ANKRD36B: variants seen among roughly 807,000 people sequenced by gnomAD.
The protein encoded by ANKRD36B is ankyrin repeat domain 36B.
ANKRD36B carries 37 observed loss-of-function variants against 135.7 expected under a neutral mutation model. The ratio of observed to expected loss-of-function variants is 0.27; its 90% CI spans 0.21 to 0.36. The LOEUF (loss-of-function observed/expected upper bound fraction) is 0.36. Among genes scored for constraint, ANKRD36B ranks in the 10% least tolerant of loss-of-function variants. The pLI is 1.00. For missense variants in ANKRD36B, 549 were observed against 1,037.1 expected, an observed-to-expected ratio of 0.53 and a Z score of 6.46; for synonymous variants, 179 against 348.1, an observed-to-expected ratio of 0.51 and a Z score of 5.41.
chr2:97,558,439 T>A (rs967975060), intron 10 of ANKRD36B, among the ~76,000 whole-genome samples: 5 of 151,930 alleles, frequency 3.3e-5, no homozygotes, highest in Admixed American at 2.6e-4. Flanking sequence ...AATTTCTCCA[T>A]CTGTTTTTAG....
At chr2:97,568,353 C>T (rs1230743586) in intron 6 of ANKRD36B, among the ~76,000 whole-genome samples, 3 of 152,060 alleles carry the variant, frequency 2.0e-5, no homozygotes, top group Non-Finnish European at 4.4e-5. Context: ...TCTATGAAAA[C>T]TGTACTCTAT....
At chr2:97,572,486 TCTTAA>T (rs1412728294) in intron 6 of ANKRD36B, among the ~76,000 whole-genome samples, 1 of 115,924 alleles carries the variant, frequency 8.6e-6, no homozygotes, top group African/African-American at 2.8e-5. Context: ...ACCTTAAGTG[TCTTAA>T]CTTAATTTGA....
intron 35 of ANKRD36B, among the ~76,000 whole-genome samples, chr2:97,531,904 A>C (rs1390620928): frequency 1.0e-5 from 1 of 96,728 alleles, no homozygotes; most frequent in South Asian, 2.3e-4. Flanking sequence ...AGTGACTGGC[A>C]ATAAAAAAAC....
intron 8 of ANKRD36B, among the ~76,000 whole-genome samples, chr2:97,559,249 C>T (rs12993250): frequency 0.48 from 72,976 of 151,496 alleles, 21,167 homozygotes; most frequent in Non-Finnish European, 0.66. Flanking sequence ...AAAATAAAAC[C>T]GTGTCAATAT....
intron 6 of ANKRD36B, among the ~76,000 whole-genome samples, chr2:97,561,743 A>C (rs1317188302): frequency 6.6e-6 from 1 of 151,966 alleles, no homozygotes; most frequent in Non-Finnish European, 1.5e-5. Context: ...TATTCTCTAG[A>C]GAATTTTTAT....
In ANKRD36B at chr2:97,585,005, T is replaced by C; in HGVS notation, c.389A>G (p.Glu130Gly). Residue 130 changes from glutamate (E) to glycine (G), a missense_variant, in exon 3 of 44, where the codon GAA becomes GGA. Coordinates refer to ENST00000359901, the MANE Select transcript of ANKRD36B (RefSeq NM_001393939.1). ...RTALHYAVYN[E>G]DTSMIEKLLS... is the part of the protein sequence containing the mutation. ...AAGTTTTTCTATCATGGATGTATCT[T>C]CATTATACACAGCGTAGTGCAGAGC... The C allele has an allele frequency of 6.2e-7, 1 of 1,610,344 alleles. No homozygotes were observed. Among genetic ancestry groups the C allele is most frequent in the Admixed American group, 1.7e-5 (1 of 59,908 alleles).
In ANKRD36B at chr2:97,560,616, C is replaced by G. The variant is rs1272673155; in HGVS notation, c.865+49G>C. ...CTGATTTATTTGGGGAAGGGAATTT[C>G]TCTTCTATCTTGATTGAACATGACA... is the stretch of plus-strand genomic sequence containing the variant. On this transcript the variant is annotated intron_variant, in intron 8 of 43. Coordinates refer to ENST00000359901, the MANE Select transcript of ANKRD36B (RefSeq NM_001393939.1). 3.8e-6 allele frequency: 6 copies of G among 1,594,292 alleles called. No homozygotes were observed. In the South Asian group the frequency reaches 4.4e-5, roughly 12 times the overall value.
intron 8 of ANKRD36B, 84 bp downstream of exon 8, chr2:97,560,581 G>A: frequency 1.3e-6 from 2 of 1,566,702 alleles, no homozygotes; most frequent in Non-Finnish European, 1.7e-6. Flanking sequence ...CAGCTTATAT[G>A]AACTCCCCAC....
At chr2:97,550,552 A>ACC (rs2079951298) in intron 18 of ANKRD36B, among the ~76,000 whole-genome samples, 5 of 151,844 alleles carry the variant, frequency 3.3e-5, no homozygotes, top group East Asian at 1.9e-4. Context: ...CAAGGAAGCC[A>ACC]ATGTGTTCAT....
chr2:97,547,403 T>A, intron 22 of ANKRD36B, 133 bp downstream of exon 22: 1 of 1,075,806 alleles, frequency 9.3e-7, no homozygotes. Context: ...CACGAACTTA[T>A]TTGAAATGAA....
At chr2:97,562,383 CA>C (rs771706090) in intron 6 of ANKRD36B, among the ~76,000 whole-genome samples, 10 of 151,722 alleles carry the variant, frequency 6.6e-5, no homozygotes, top group South Asian at 2.1e-4. Context: ...GGTTCTTTTA[CA>C]AAATAACTAC....
chr2:97,550,553 ATG>A (rs2079952249), intron 18 of ANKRD36B, among the ~76,000 whole-genome samples: 5 of 151,824 alleles, frequency 3.3e-5, no homozygotes, highest in East Asian at 1.9e-4. Flanking sequence ...AAGGAAGCCA[ATG>A]TGTTCATATT....
At chr2:97,563,431 TACACACACAC>T (rs4069654) in intron 6 of ANKRD36B, among the ~76,000 whole-genome samples, 1 of 149,516 alleles carries the variant, frequency 6.7e-6, no homozygotes, top group Non-Finnish European at 1.5e-5. Flanking sequence ...GAGAAAAAAA[TACACACACAC>T]ACACACACAC....
intron 12 of ANKRD36B, among the ~76,000 whole-genome samples, chr2:97,556,021 A>T (rs1224356187): frequency 1.3e-5 from 2 of 151,938 alleles, no homozygotes; most frequent in Non-Finnish European, 2.9e-5. Context: ...TTTGGCTATC[A>T]GTCCAATATT....
In ANKRD36B at chr2:97,529,083, G is replaced by T. The variant is rs1310564841; in HGVS notation, c.2265+3228C>A. 2.1e-5 allele frequency among the ~76,000 whole-genome samples: 2 copies of T among 95,990 alleles called. 1 individual carries two copies. The highest frequency in any genetic ancestry group is 6.3e-5 in the African/African-American group (2 of 31,900). The allele number at this position is 95,990 out of a possible 152,430, so 63.0% of individuals were successfully genotyped here. A position where few individuals can be genotyped will look rare whatever the true frequency, so the allele number is the denominator to read the frequency against. On this transcript the variant is annotated intron_variant, in intron 35 of 43. Transcript: ENST00000359901. ...CCAGCATCATCCTGATACCAAAGCT[G>T]GGCAGAGACACAACCAAAAAAGAGA...
intron 8 of ANKRD36B, among the ~76,000 whole-genome samples, chr2:97,560,313 T>C (rs916662563): frequency 1.3e-5 from 2 of 151,940 alleles, no homozygotes; most frequent in East Asian, 1.9e-4. Flanking sequence ...CAATATGATA[T>C]GATGCCTATA....
At chr2:97,558,678 A>G in intron 10 of ANKRD36B, 121 bp downstream of exon 10, 1 of 1,136,230 alleles carries the variant, frequency 8.8e-7, no homozygotes, top group Non-Finnish European at 1.3e-6. Context: ...GAACTGAGGA[A>G]TCTCAGGCCT....
At chr2:97,589,502 C>A in intron 1 of ANKRD36B, 23 bp downstream of exon 1, 1 of 1,557,824 alleles carries the variant, frequency 6.4e-7, no homozygotes. Context: ...CCTCCCGCAG[C>A]CCCGGCTCCC....
Position 97,527,099 on chromosome 2 carries a change from T to C in ANKRD36B, c.2266-3632A>G, listed in dbSNP as rs2078257014. Among the ~76,000 whole-genome samples the C allele has an allele frequency of 2.1e-5, 2 of 94,028 alleles. 1 individual carries two copies. The highest frequency in any genetic ancestry group is 5.6e-5 in the Non-Finnish European group (2 of 35,606). 61.7% of individuals were successfully genotyped at this position (94,028 alleles called of 152,430 possible). A position where few individuals can be genotyped will look rare whatever the true frequency, so the allele number is the denominator to read the frequency against. Reference sequence around the variant, plus strand: ...AGAAGAGCAACTCCAAGACACATAATTGTCAGATTCACCAAAGTTGAAATG... The same window carrying C: ...AGAAGAGCAACTCCAAGACACATAACTGTCAGATTCACCAAAGTTGAAATG... On this transcript the variant is annotated intron_variant, in intron 35 of 43. Transcript: ENST00000359901.
Sources: allele counts gnomAD v4.1 joint callset (sites outside exome capture counted in the v4.1 genomes callset), GRCh38; gene constraint gnomAD v4.1.1; transcripts MANE v1.5; gene names NCBI Gene and HGNC (gene_info 2026-07-23, HGNC 2026-07-21).